The following RERE variants were observed in gnomAD, a reference collection of about 807,000 sequenced individuals.
RERE encodes the protein arginine-glutamic acid dipeptide repeats.
RERE carries 40 observed loss-of-function variants against 146.1 expected under a neutral mutation model. The ratio of observed to expected loss-of-function variants is 0.27; its 90% confidence interval spans 0.21 to 0.36. The LOEUF is 0.36. Ranked by LOEUF, RERE falls within the 10% of genes least tolerant of loss-of-function variation. The pLI, the probability that RERE is intolerant of heterozygous loss-of-function variation, is 1.00. For synonymous variants in RERE, 1,003 were observed against 866.0 expected (o/e 1.16, Z -2.78); for missense variants, 1,933 against 2,138.7 (o/e 0.90, Z 1.90).
rs1213604505 is a variant in RERE at position 8,501,217 on chromosome 1, G to GC, written c.880-3689dup. Among the ~76,000 whole-genome samples the GC allele has an allele frequency of 5.5e-5, 8 of 146,632 alleles. No individual in the cohort carries two copies. The South Asian group carries it at 1.3e-3, about 24-fold the overall frequency. ...GTCCGGGAGGGAGGTGGGGGGGTCA[G>GC]CCCCCCGCCCGGCCGGCCGCCCCGT... On this transcript the variant is annotated intron_variant, in intron 8 of 22. Transcript: ENST00000400908.
At chr1:8,687,012 G>C (rs1639103926) in intron 1 of RERE, among the ~76,000 whole-genome samples, 1 of 152,230 alleles carries the variant, frequency 6.6e-6, no homozygotes, top group East Asian at 1.9e-4. Context: ...GAGAACTGGA[G>C]ATCTGGGTAC....
intron 6 of RERE, among the ~76,000 whole-genome samples, chr1:8,543,222 TA>T (rs1348878760): frequency 1.3e-5 from 2 of 152,194 alleles, no homozygotes; most frequent in Non-Finnish European, 1.5e-5. Context: ...AGTATTTAAC[TA>T]GAACTAAAAT....
rs754188149 is a variant in RERE, at chr1:8,556,424, T to C, written c.725+51A>G. On this transcript the variant is annotated intron_variant, in intron 6 of 22. Transcript: ENST00000400908. ...TCAGGAGAAATTACTCTCCACCTCCTGCACTCAGTGACTCCTCCTTCACAT... is the reference window on the plus strand; with the variant it reads ...TCAGGAGAAATTACTCTCCACCTCCCGCACTCAGTGACTCCTCCTTCACAT... The C allele has an allele frequency of 4.8e-6, 5 of 1,043,950 alleles. No homozygotes were observed. In the African/African-American group the frequency reaches 7.8e-5, roughly 16 times the overall value. 64.7% of individuals were successfully genotyped at this position (1,043,950 alleles called of 1,614,324 possible).
intron 12 of RERE, among the ~76,000 whole-genome samples, chr1:8,373,772 G>A (rs1459457865): frequency 6.6e-6 from 1 of 152,192 alleles, no homozygotes; most frequent in Non-Finnish European, 1.5e-5. Context: ...TCAAGGGCTG[G>A]ATCTGACAAC....
chr1:8,431,875 TAGA>T (rs1257869599), intron 11 of RERE, among the ~76,000 whole-genome samples: 3 of 152,312 alleles, frequency 2.0e-5, no homozygotes, highest in Non-Finnish European at 4.4e-5. Context: ...AGCAGAGTTC[TAGA>T]AGAAGTGCCT....
At chr1:8,779,253 C>T (rs560534407) in intron 1 of RERE, among the ~76,000 whole-genome samples, 3 of 151,764 alleles carry the variant, frequency 2.0e-5, no homozygotes, top group South Asian at 2.1e-4. Flanking sequence ...TCCATCCGGG[C>T]GCAGTGGCTC....
At chr1:8,620,945 A>G (rs899570442) in intron 3 of RERE, among the ~76,000 whole-genome samples, 4 of 151,810 alleles carry the variant, frequency 2.6e-5, no homozygotes, top group African/African-American at 9.7e-5. Context: ...TACCTTTAAA[A>G]CCTCAGCTCA....
chr1:8,670,711 G>A (rs1292831898), intron 1 of RERE, among the ~76,000 whole-genome samples: 1 of 152,160 alleles, frequency 6.6e-6, no homozygotes, highest in Non-Finnish European at 1.5e-5. Flanking sequence ...AGCATGCCTG[G>A]CATGTCCAGG....
intron 11 of RERE, among the ~76,000 whole-genome samples, chr1:8,445,250 G>A (rs964861974): frequency 2.0e-5 from 3 of 152,160 alleles, no homozygotes; most frequent in African/African-American, 7.2e-5. Context: ...ACAAACTAGG[G>A]TCACTGAAAA....
In RERE at chr1:8,793,157, C is replaced by CAA. The variant is rs1015889392; in HGVS notation, c.-145+24001_-145+24002dup. On this transcript the variant is annotated intron_variant, in intron 1 of 22. Transcript: ENST00000400908. Reference sequence around the variant, plus strand: ...GGGAGACAGAATGAGACTCCATCTCCAAAAAAAAAAAAAAAAAAAAGAAAG... The same window carrying CAA: ...GGGAGACAGAATGAGACTCCATCTCCAAAAAAAAAAAAAAAAAAAAAAGAAAG... 3.4e-4 allele frequency among the ~76,000 whole-genome samples: 17 copies of CAA among 49,294 alleles called. 1 individual carries two copies. Among genetic ancestry groups the CAA allele is most frequent in the African/African-American group, 8.3e-4 (13 of 15,614 alleles). 32.3% of individuals were successfully genotyped at this position (49,294 alleles called of 152,430 possible).
intron 4 of RERE, among the ~76,000 whole-genome samples, chr1:8,598,610 T>C (rs2124128501): frequency 6.6e-6 from 1 of 152,290 alleles, no homozygotes; most frequent in East Asian, 1.9e-4. Context: ...CAATGCTCTG[T>C]TACTAGAAGT....
At chr1:8,382,808 C>T (rs576650640) in intron 12 of RERE, among the ~76,000 whole-genome samples, 7 of 152,248 alleles carry the variant, frequency 4.6e-5, no homozygotes, top group Admixed American at 4.6e-4. Context: ...CTCCTCGAGA[C>T]TCTCCTTATC....
intron 1 of RERE, chr1:8,796,432 G>A (rs1301968050): frequency 2.6e-5 from 4 of 151,690 alleles, no homozygotes; most frequent in Admixed American, 6.6e-5. Context: ...AAAAGCCCAA[G>A]AAAAAATCCA....
chr1:8,629,391 T>C (rs924035753), intron 2 of RERE, among the ~76,000 whole-genome samples: 1 of 152,168 alleles, frequency 6.6e-6, no homozygotes. Flanking sequence ...AACCTCAGCA[T>C]AGCTTCATGT....
intron 1 of RERE, among the ~76,000 whole-genome samples, chr1:8,812,473 C>T (rs1273876724): frequency 1.3e-5 from 2 of 152,194 alleles, no homozygotes; most frequent in South Asian, 4.2e-4. Context: ...ATGGTAAAAC[C>T]CTGTCTCTTC....
intron 12 of RERE, among the ~76,000 whole-genome samples, chr1:8,382,341 C>T (rs1272300228): frequency 6.6e-6 from 1 of 152,278 alleles, no homozygotes. Flanking sequence ...TTTGTGCCCA[C>T]AAGTATCCCA....
At chr1:8,726,530 T>C (rs1639973200) in intron 1 of RERE, among the ~76,000 whole-genome samples, 1 of 152,206 alleles carries the variant, frequency 6.6e-6, no homozygotes, top group South Asian at 2.1e-4. Context: ...TCTGATACAT[T>C]AGCTAATCTT....
intron 3 of RERE, among the ~76,000 whole-genome samples, chr1:8,622,819 G>C (rs923845677): frequency 2.0e-5 from 3 of 151,520 alleles, no homozygotes; most frequent in African/African-American, 7.3e-5. Context: ...TTTGGTACTT[G>C]GGCCATTAAA....
intron 11 of RERE, among the ~76,000 whole-genome samples, chr1:8,458,420 C>CA (rs1644480915): frequency 6.6e-6 from 1 of 152,022 alleles, no homozygotes; most frequent in Non-Finnish European, 1.5e-5. Flanking sequence ...CCCGCTCAAG[C>CA]AAAAATGAAA....
Sources: allele counts gnomAD v4.1 joint callset (sites outside exome capture counted in the v4.1 genomes callset), GRCh38; gene constraint gnomAD v4.1.1; transcripts MANE v1.5; gene names NCBI Gene and HGNC (gene_info 2026-07-23, HGNC 2026-07-21).